Variants in CCDC88A observed in about 807,000 individuals in gnomAD.
CCDC88A encodes coiled-coil and HOOK domain protein 88A.
CCDC88A carries 54 observed loss-of-function variants against 234.3 expected under a neutral mutation model. The observed-to-expected ratio is 0.23, with a 90% CI of 0.19 to 0.29. CCDC88A has a LOEUF of 0.29. CCDC88A is among the 10% of genes least tolerant of loss of function. CCDC88A has a pLI of 1.00. For missense variants in CCDC88A, 1,832 were observed against 2,123.4 expected (o/e 0.86, Z 2.70); for synonymous variants, 753 against 737.8 (o/e 1.02, Z -0.33).
At chr2:55,299,768 C>A in intron 29 of CCDC88A, 71 bp downstream of exon 29, 2 of 999,570 alleles carry the variant, frequency 2.0e-6, no homozygotes, top group Non-Finnish European at 1.5e-6. Context: ...ACCCCAGAAA[C>A]TTCATCCCAT....
chr2:55,321,116 A>G (rs1683574480), intron 18 of CCDC88A: 1 of 43,020 alleles, frequency 2.3e-5, no homozygotes. Flanking sequence ...CTCAGAGAAG[A>G]AAAAAAAAAA....
At chr2:55,414,885 G>A (rs1681095036) in intron 2 of CCDC88A, among the ~76,000 whole-genome samples, 1 of 151,704 alleles carries the variant, frequency 6.6e-6, no homozygotes, top group African/African-American at 2.4e-5. Context: ...CTAACACGGT[G>A]AAACCCCGTC....
At chr2:55,388,480 A>T (rs1676077850) in intron 3 of CCDC88A, 2 of 167,618 alleles carry the variant, frequency 1.2e-5, no homozygotes, top group Non-Finnish European at 2.5e-5. Context: ...TTTCAAAGGC[A>T]TAATTCAAGA....
At chr2:55,354,619 A>G (rs1670323309) in intron 8 of CCDC88A, among the ~76,000 whole-genome samples, 1 of 151,794 alleles carries the variant, frequency 6.6e-6, no homozygotes, top group Admixed American at 6.6e-5. Context: ...GCTGGAGTGC[A>G]GTGTCACCAT....
chr2:55,296,349 C>G lies in CCDC88A; in HGVS notation c.5000G>C (p.Arg1667Pro). 1 of 1,614,086 alleles carries G rather than the reference C, an allele frequency of 6.2e-7. No homozygotes were observed. Among genetic ancestry groups the G allele is most frequent in the Non-Finnish European group, 8.5e-7 (1 of 1,179,992 alleles). The change falls in exon 30 of 33, where the codon CGA (arginine) becomes CCA (proline). Residue 1667 changes from arginine (R) to proline (P), a missense_variant. Arg to Pro is a moderately radical substitution (Grantham distance 103). Transcript: ENST00000436346. ...GGAACCAGTTTTGATCTTGTGATGT[C>G]GACTCTCCAGTGTTTCAGATATTTT... ...QHKISETLES[R>P]HHKIKTGSPG...
chr2:55,367,720 G>A (rs1672229655), intron 5 of CCDC88A, among the ~76,000 whole-genome samples: 1 of 151,634 alleles, frequency 6.6e-6, no homozygotes, highest in South Asian at 2.1e-4. Flanking sequence ...CCTTTAAGAT[G>A]CTTTACAGAT....
chr2:55,393,301 T>G (rs1574437720), intron 2 of CCDC88A, among the ~76,000 whole-genome samples: 3 of 133,318 alleles, frequency 2.3e-5, no homozygotes, highest in African/African-American at 8.4e-5. Context: ...TTTTTTTTTT[T>G]TTTTTTTTTT....
At chr2:55,410,793 T>C (rs2104983600) in intron 2 of CCDC88A, among the ~76,000 whole-genome samples, 1 of 151,854 alleles carries the variant, frequency 6.6e-6, no homozygotes, top group East Asian at 1.9e-4. Flanking sequence ...CTCAGGAGGC[T>C]GAGGTGAGAG....
In CCDC88A at chr2:55,288,280, G is replaced by T. The variant is rs191498555; in HGVS notation, c.*2920C>A. 5.2e-5 allele frequency: 8 copies of T among 152,598 alleles called. No homozygotes were observed. The East Asian group carries it at 1.5e-3, about 29-fold the overall frequency. The allele number at this position is 152,598 out of a possible 1,614,324, so 9.5% of individuals were successfully genotyped here. A position where few individuals can be genotyped will look rare whatever the true frequency, so the allele number is the denominator to read the frequency against. On this transcript the variant is annotated 3_prime_UTR_variant, in exon 33 of 33. Coordinates refer to ENST00000436346, the MANE Select transcript of CCDC88A (RefSeq NM_001365480.1). ...CAAATATCTCAACATGTACATCAAG[G>T]TTTATATTATAAAATGGGCTCCTTT... is the stretch of plus-strand genomic sequence containing the variant.
Position 55,334,905 on chromosome 2 carries a change from T to C in CCDC88A, c.1916A>G (p.Lys639Arg). The C allele has an allele frequency of 6.6e-7, 1 of 1,519,662 alleles. No homozygotes were observed. The highest frequency in any genetic ancestry group is 8.9e-7 in the Non-Finnish European group (1 of 1,120,864). The allele number at this position is 1,519,662 out of a possible 1,614,324, so 94.1% of individuals were successfully genotyped here. A position where few individuals can be genotyped will look rare whatever the true frequency, so the allele number is the denominator to read the frequency against. ...TTTTTTCTGTAATAATTCATTTTCT[T>C]TTTCAAGATGATGCAATTCATTTTC... ...ELENELHHLE[K>R]ENELLQKKIT... The change falls in exon 15 of 33, where the codon AAA becomes AGA. Residue 639 changes from lysine to arginine, a missense_variant. Lys to Arg is a conservative substitution (Grantham distance 26). This residue lies in a region of CCDC88A where 1,282 missense variants were observed against 1,543.6 expected (regional missense o/e 0.83). Transcript: ENST00000436346. This position sits in a 1 kb window ranked among gnomAD's most constrained non-coding sequence, Gnocchi z 6.1.
intron 2 of CCDC88A, among the ~76,000 whole-genome samples, chr2:55,416,677 C>G (rs551106958): frequency 9.2e-4 from 139 of 150,892 alleles, no homozygotes; most frequent in African/African-American, 3.2e-3. Flanking sequence ...TTAGACTAGG[C>G]CTAACTTTTA....
chr2:55,386,338 G>A (rs550115471), intron 3 of CCDC88A, among the ~76,000 whole-genome samples: 7 of 151,178 alleles, frequency 4.6e-5, no homozygotes, highest in Middle Eastern at 3.4e-3. Context: ...AATCACTCAC[G>A]CCCATAATCC....
intron 2 of CCDC88A, among the ~76,000 whole-genome samples, chr2:55,389,270 G>T (rs1336348727): frequency 6.6e-6 from 1 of 152,036 alleles, no homozygotes; most frequent in African/African-American, 2.4e-5. Flanking sequence ...CTCCTCACTG[G>T]GTAATAGGGA....
intron 3 of CCDC88A, among the ~76,000 whole-genome samples, chr2:55,377,935 AT>A (rs1379983088): frequency 1.3e-5 from 2 of 152,016 alleles, no homozygotes; most frequent in East Asian, 3.9e-4. Flanking sequence ...CAGACACTGA[AT>A]TTTTTTTAAA....
At position 55,355,576 on chromosome 2, in the gene CCDC88A, T is replaced by C. The variant is rs749052930; in HGVS notation, c.800+3A>G. On this transcript the variant is annotated splice_donor_region_variant and intron_variant, in intron 8 of 32. Transcript: ENST00000436346. The stretch of plus-strand genomic sequence containing the variant: ...CAATGAACCTCAAAAATCAGCAACT[T>C]ACAATTCCTGCCTAAGCCTTCTTAT... 1.2e-5 allele frequency: 19 copies of C among 1,613,652 alleles called. No homozygotes were observed. The South Asian group carries it at 2.0e-4, about 17-fold the overall frequency.
chr2:55,334,111 A>G lies in CCDC88A; in HGVS notation c.2710T>C (p.Leu904=), dbSNP rs1264476088. 1 of 1,309,054 alleles carries G rather than the reference A, an allele frequency of 7.6e-7. No homozygotes were observed. 81.1% of individuals were successfully genotyped at this position (1,309,054 alleles called of 1,614,324 possible). The part of the protein sequence containing the change: ...VKRATIDIKT[L]VTLREDLVSE... ...ATATTTACCTCACGTAGTGTAACCA[A>G]CGTTTTTATATCAATAGTTGCTCTT... The change falls in exon 15 of 33, where the codon TTG becomes CTG. Residue 904 remains leucine (L), a synonymous_variant. Coordinates refer to ENST00000436346, the MANE Select transcript of CCDC88A (RefSeq NM_001365480.1). The surrounding 1 kb of genome is among the most constrained non-coding windows in gnomAD (Gnocchi z 6.1).
chr2:55,416,234 T>C (rs1172267465), intron 2 of CCDC88A, among the ~76,000 whole-genome samples: 3 of 151,064 alleles, frequency 2.0e-5, no homozygotes, highest in Non-Finnish European at 4.4e-5. Flanking sequence ...ATGAAAAATA[T>C]GGTGGGTGGG....
At chr2:55,339,434 C>G (rs770266652) in intron 13 of CCDC88A, 30 bp downstream of exon 13, 1 of 1,419,118 alleles carries the variant, frequency 7.0e-7, no homozygotes, top group South Asian at 1.3e-5. Context: ...GTTTTTTTAA[C>G]ATTAAAATAA....
At chr2:55,305,308 C>T (rs889371146) in intron 25 of CCDC88A, among the ~76,000 whole-genome samples, 6 of 152,136 alleles carry the variant, frequency 3.9e-5, no homozygotes, top group Non-Finnish European at 7.4e-5. Flanking sequence ...TGTATACATA[C>T]AATGTTCATT....
Sources: gnomAD v4.1 joint callset for allele counts (sites outside exome capture counted in the v4.1 genomes callset) on GRCh38, gnomAD v4.1.1 for gene constraint, gnomAD v4.1.1 regional missense constraint, Gnocchi (gnomAD v3.1) non-coding constraint, MANE v1.5 for transcripts, NCBI Gene and HGNC (gene_info 2026-07-23, HGNC 2026-07-21) for gene names.